Variants in UBE2D2 observed in about 807,000 individuals in gnomAD.
UBE2D2 encodes ubiquitin conjugating enzyme E2 D2, also known as ubiquitin-conjugating enzyme E2 D2.
Under a neutral mutation model 24.2 loss-of-function variants are expected in UBE2D2, and 2 were observed. The observed-to-expected ratio is 0.08, with a 90% CI of 0.03 to 0.26. UBE2D2 has a LOEUF of 0.26. Ranked by LOEUF, UBE2D2 falls within the 10% of genes least tolerant of loss-of-function variation. The pLI is 1.00. For synonymous variants in UBE2D2, 58 were observed against 56.5 expected, an observed-to-expected ratio of 1.03 and a Z score of -0.12; for missense variants, 44 against 177.6, an observed-to-expected ratio of 0.25 and a Z score of 4.28.
At chr5:139,566,539 G>C (rs1753223713) in intron 1 of UBE2D2, among the ~76,000 whole-genome samples, 1 of 152,064 alleles carries the variant, frequency 6.6e-6, no homozygotes, top group Non-Finnish European at 1.5e-5. Context: ...GCTGGGTATG[G>C]TGGTGGATGG....
Position 139,600,410 on chromosome 5 carries a change from T to C in UBE2D2, c.63T>C (p.Cys21=). The C allele has an allele frequency of 6.2e-7, 1 of 1,614,148 alleles. No individual in the cohort carries two copies. The highest frequency in any genetic ancestry group is 8.5e-7 in the Non-Finnish European group (1 of 1,180,016). ...TGGCACGGGACCCTCCAGCACAGTG[T>C]TCAGCAGGTCCTGTTGGAGATGATA... is the stretch of plus-strand genomic sequence containing the variant. ...NDLARDPPAQ[C]SAGPVGDDMF... is the part of the protein sequence containing the mutation. Residue 21 remains cysteine, a synonymous_variant, in exon 2 of 7, where the codon TGT becomes TGC. Transcript: ENST00000398733.
intron 1 of UBE2D2, among the ~76,000 whole-genome samples, chr5:139,582,079 C>T (rs1032700053): frequency 6.7e-6 from 1 of 150,280 alleles, no homozygotes; most frequent in African/African-American, 2.5e-5. Context: ...CAGTCTTAAA[C>T]TCCAGTGCTC....
At chr5:139,609,560 G>A (rs1754267550) in intron 2 of UBE2D2, among the ~76,000 whole-genome samples, 1 of 151,338 alleles carries the variant, frequency 6.6e-6, no homozygotes, top group Non-Finnish European at 1.5e-5. Context: ...TAGTAGAGAT[G>A]GGGTTTCTCC....
chr5:139,526,771 T>G (rs1341987581), intron 1 of UBE2D2, among the ~76,000 whole-genome samples: 1 of 147,266 alleles, frequency 6.8e-6, no homozygotes, highest in South Asian at 2.2e-4. Context: ...TGAGTGGAAG[T>G]GTGGCCTGAT....
intron 1 of UBE2D2, among the ~76,000 whole-genome samples, chr5:139,589,278 C>T (rs1216821753): frequency 6.6e-6 from 1 of 151,966 alleles, no homozygotes; most frequent in Non-Finnish European, 1.5e-5. Flanking sequence ...AAAAAAATAG[C>T]CCGGGCACGG....
chr5:139,597,538 A>G (rs1481556319), intron 1 of UBE2D2, among the ~76,000 whole-genome samples: 2 of 152,228 alleles, frequency 1.3e-5, no homozygotes, highest in African/African-American at 4.8e-5. Context: ...CCTTGATGTT[A>G]TTCAGCATGG....
chr5:139,562,071 A>T, intron 1 of UBE2D2: 1 of 845,774 alleles, frequency 1.2e-6, no homozygotes, highest in Non-Finnish European at 1.8e-6. Flanking sequence ...CATGGTGTGG[A>T]CTCTTAGGGC....
At chr5:139,552,575 C>G (rs1466579693) in intron 1 of UBE2D2, among the ~76,000 whole-genome samples, 3 of 141,696 alleles carry the variant, frequency 2.1e-5, no homozygotes, top group African/African-American at 7.9e-5. Flanking sequence ...ATGGCGAGAT[C>G]TCGGCTCACG....
At chr5:139,539,245 G>A (rs1437330955) in intron 1 of UBE2D2, among the ~76,000 whole-genome samples, 4 of 151,898 alleles carry the variant, frequency 2.6e-5, no homozygotes, top group Non-Finnish European at 4.4e-5. Context: ...GGCTGGTCTC[G>A]AAACCCTGAC....
In UBE2D2 at chr5:139,535,967, A is replaced by T. The variant is rs1243731907; in HGVS notation, c.-64+9355A>T. Among the ~76,000 whole-genome samples the T allele has an allele frequency of 5.3e-5, 8 of 151,514 alleles. No homozygotes were observed. In the East Asian group the frequency reaches 1.6e-3, roughly 30 times the overall value. On this transcript the variant is annotated intron_variant, in intron 1 of 6. Transcript: ENST00000511725. ...GAGTGCAGTGGCGTGATCTCGGCTC[A>T]CTGCAACCTCTGCCTGCCAGGTTCC...
chr5:139,544,720 A>C (rs1198996053), intron 1 of UBE2D2, among the ~76,000 whole-genome samples: 1 of 151,930 alleles, frequency 6.6e-6, no homozygotes, highest in Non-Finnish European at 1.5e-5. Flanking sequence ...AGCTCCTTTA[A>C]TTTTTTACAT....
intron 1 of UBE2D2, among the ~76,000 whole-genome samples, chr5:139,546,832 TC>T (rs1561498207): frequency 1.9e-5 from 2 of 108,084 alleles, no homozygotes; most frequent in African/African-American, 7.9e-5. Context: ...CTTCCTTCCT[TC>T]CTTCCTTCCT....
chr5:139,597,828 A>G (rs558911797), intron 1 of UBE2D2, among the ~76,000 whole-genome samples: 1 of 152,336 alleles, frequency 6.6e-6, no homozygotes, highest in South Asian at 2.1e-4. Flanking sequence ...TATTTTAGAG[A>G]CATAAAATCT....
At chr5:139,604,952 T>C (rs1031977885) in intron 2 of UBE2D2, among the ~76,000 whole-genome samples, 1 of 152,070 alleles carries the variant, frequency 6.6e-6, no homozygotes, top group Non-Finnish European at 1.5e-5. Flanking sequence ...TCAAGTATGA[T>C]TGGATAGCTA....
rs112365884 is a variant in UBE2D2, at chr5:139,532,758, A to T, written c.-64+6146A>T. On this transcript the variant is annotated intron_variant, in intron 1 of 6. Coordinates refer to the UBE2D2 transcript ENST00000511725. ...TGCCTCGGCCTCCCAAAGTGCTGGGATTACAGGCATGAACCTCCATGCCTT... is the reference window on the plus strand; with the variant it reads ...TGCCTCGGCCTCCCAAAGTGCTGGGTTTACAGGCATGAACCTCCATGCCTT... Among the ~76,000 whole-genome samples the T allele has an allele frequency of 3.5e-3, 525 of 152,148 alleles. 5 individuals are homozygous for T. The highest frequency in any genetic ancestry group is 0.012 in the African/African-American group (490 of 41,516).
At chr5:139,531,399 C>T (rs755224803) in intron 1 of UBE2D2, among the ~76,000 whole-genome samples, 24 of 152,206 alleles carry the variant, frequency 1.6e-4, no homozygotes, top group Non-Finnish European at 3.1e-4. Flanking sequence ...TCAATCACAA[C>T]CCTTTCATGT....
At position 139,591,897 on chromosome 5, in the gene UBE2D2, C is replaced by T. The variant is rs183200687; in HGVS notation, c.25-8475C>T. Among the ~76,000 whole-genome samples, 3 of 152,186 alleles carry T rather than the reference C, an allele frequency of 2.0e-5. No homozygotes were observed. In the East Asian group the frequency reaches 5.8e-4, roughly 29 times the overall value. On this transcript the variant is annotated intron_variant, in intron 1 of 6. Coordinates refer to ENST00000398733, the MANE Select transcript of UBE2D2 (RefSeq NM_003339.3). ...ATAGTAATGACAGACTGCTCCCCTTCAATCTGTCTTGAAAACCTGGGGCCG... is the reference window on the plus strand; with the variant it reads ...ATAGTAATGACAGACTGCTCCCCTTTAATCTGTCTTGAAAACCTGGGGCCG...
At chr5:139,570,347 T>G (rs985756615) in intron 1 of UBE2D2, among the ~76,000 whole-genome samples, 1 of 152,090 alleles carries the variant, frequency 6.6e-6, no homozygotes, top group African/African-American at 2.4e-5. Flanking sequence ...ACCCCGCCTT[T>G]TTTTCCCCCG....
chr5:139,583,270 C>T lies in UBE2D2; in HGVS notation c.25-17102C>T, dbSNP rs79426121. Among the ~76,000 whole-genome samples, 1,180 of 152,148 alleles carry T rather than the reference C, an allele frequency of 7.8e-3. 7 individuals carry two copies. Among genetic ancestry groups the T allele is most frequent in the Middle Eastern group, 0.041 (12 of 294 alleles). On this transcript the variant is annotated intron_variant, in intron 1 of 6. Transcript: ENST00000398733. ...GATTACAGGCATGAACCATTGCATC[C>T]GGCCAATAACAATGTATTCTTAAAA...
Sources: allele counts gnomAD v4.1 joint callset (sites outside exome capture counted in the v4.1 genomes callset), GRCh38; gene constraint gnomAD v4.1.1; transcripts MANE v1.5; gene names NCBI Gene and HGNC (gene_info 2026-07-23, HGNC 2026-07-21).